HS6ST3: variants seen among roughly 807,000 people sequenced by gnomAD.
The protein encoded by HS6ST3 is heparan sulfate 6-O-sulfotransferase 3.
A neutral mutation model predicts 36.7 loss-of-function variants in HS6ST3; 12 were observed. That is an observed-to-expected ratio of 0.33 (90% CI 0.21 to 0.53). The LOEUF (loss-of-function observed/expected upper bound fraction) is 0.53, where lower values mean the gene tolerates loss of function less well. Among genes scored for constraint, HS6ST3 ranks in the 20% least tolerant of loss-of-function variants. The probability of loss-of-function intolerance (pLI) is 0.95; values close to 1 mark genes in which losing one functional copy is unlikely to be tolerated. For missense variants in HS6ST3, 584 were observed against 640.9 expected (o/e 0.91, Z 0.96); for synonymous variants, 240 against 257.5 (o/e 0.93, Z 0.65).
intron 1 of HS6ST3, among the ~76,000 whole-genome samples, chr13:96,580,109 C>A (rs1594811348): frequency 6.6e-6 from 1 of 151,360 alleles, no homozygotes; most frequent in East Asian, 1.9e-4. Flanking sequence ...TCCCTCTAAA[C>A]TGCCTTCTAA....
chr13:96,828,596 C>T (rs1377666241), intron 1 of HS6ST3, among the ~76,000 whole-genome samples: 4 of 152,094 alleles, frequency 2.6e-5, no homozygotes, highest in Non-Finnish European at 5.9e-5. Flanking sequence ...TATTTTATCT[C>T]CCCAAATCCT....
chr13:96,833,081 G>A lies in HS6ST3; in HGVS notation c.1299G>A (p.Lys433=). 1 of 1,611,300 alleles carries A rather than the reference G, an allele frequency of 6.2e-7. No individual in the cohort carries two copies. The highest frequency in any genetic ancestry group is 8.5e-7 in the Non-Finnish European group (1 of 1,180,010). Residue 433 remains lysine (K), a synonymous_variant, in exon 2 of 2, where the codon AAG becomes AAA. Coordinates refer to ENST00000376705, the MANE Select transcript of HS6ST3 (RefSeq NM_153456.4). Reference sequence around the variant, plus strand: ...TAGAGCACCAGAGGGACCGCCAGAAGCGGCGGGAGGAGCGGAGGCTGCAGC... The same window carrying A: ...TAGAGCACCAGAGGGACCGCCAGAAACGGCGGGAGGAGCGGAGGCTGCAGC... ...KQLEHQRDRQ[K]RREERRLQRE...
At chr13:96,701,586 A>G (rs1875289374) in intron 1 of HS6ST3, among the ~76,000 whole-genome samples, 1 of 152,176 alleles carries the variant, frequency 6.6e-6, no homozygotes, top group Non-Finnish European at 1.5e-5. Context: ...TATACTTGGC[A>G]CTTCATGGTC....
intron 1 of HS6ST3, among the ~76,000 whole-genome samples, chr13:96,751,893 T>C (rs866504507): frequency 6.6e-6 from 1 of 150,722 alleles, no homozygotes; most frequent in Non-Finnish European, 1.5e-5. Flanking sequence ...TATATATATA[T>C]AAACTATATA....
chr13:96,785,541 T>C (rs7334263), intron 1 of HS6ST3, among the ~76,000 whole-genome samples: 22,837 of 152,104 alleles, frequency 0.15, 2,930 homozygotes, highest in African/African-American at 0.35. Flanking sequence ...GGTCCACTGT[T>C]GCAAGTGGGC....
intron 1 of HS6ST3, among the ~76,000 whole-genome samples, chr13:96,685,571 A>C (rs535613256): frequency 3.9e-5 from 6 of 152,082 alleles, no homozygotes; most frequent in Admixed American, 2.0e-4. Context: ...CACAGTTATC[A>C]TATATTGACC....
rs71434521 is a variant in HS6ST3, at chr13:96,663,244, G to A, written c.708-169246G>A. ...TGTTTCCTTATCACACCCCTGTCCC[G>A]GGGATCCTGACTCTCAGTTTAGACT... On this transcript the variant is annotated intron_variant, in intron 1 of 1. Transcript: ENST00000376705. Among the ~76,000 whole-genome samples the A allele has an allele frequency of 2.1e-3, 321 of 152,186 alleles. 2 individuals are homozygous for A. The highest frequency in any genetic ancestry group is 6.8e-3 in the Middle Eastern group (2 of 294).
chr13:96,162,986 C>T (rs1455205409), intron 1 of HS6ST3, among the ~76,000 whole-genome samples: 3 of 151,804 alleles, frequency 2.0e-5, no homozygotes, highest in Admixed American at 1.3e-4. Context: ...GTAAGAGGTT[C>T]CCCCAAATAA....
At chr13:96,579,941 T>C (rs2056335599) in intron 1 of HS6ST3, among the ~76,000 whole-genome samples, 1 of 152,168 alleles carries the variant, frequency 6.6e-6, no homozygotes, top group South Asian at 2.1e-4. Flanking sequence ...ATCTCTCTCC[T>C]AGATAATTGA....
rs549573345 is a variant in HS6ST3, at chr13:96,567,206, C to A, written c.708-265284C>A. Among the ~76,000 whole-genome samples, 5 of 152,068 alleles carry A rather than the reference C, an allele frequency of 3.3e-5. No homozygotes were observed. The East Asian group carries it at 9.7e-4, about 29-fold the overall frequency. The stretch of plus-strand genomic sequence containing the variant: ...CCTACAGTTCTTCCGCCTCCCCACA[C>A]CCACAAGTCTTAAATTAAAAATCCC... On this transcript the variant is annotated intron_variant, in intron 1 of 1. Coordinates refer to ENST00000376705, the MANE Select transcript of HS6ST3 (RefSeq NM_153456.4).
chr13:96,531,446 G>A lies in HS6ST3; in HGVS notation c.708-301044G>A, dbSNP rs1256203015. Among the ~76,000 whole-genome samples the A allele has an allele frequency of 2.0e-5, 3 of 152,170 alleles. No individual in the cohort carries two copies. In the East Asian group the frequency reaches 5.8e-4, roughly 29 times the overall value. ...ATCATTACAAGCTCAAAGTTTAGTAGAGTGTACTGAGAATGTTCTGTCTTT... is the reference window on the plus strand; with the variant it reads ...ATCATTACAAGCTCAAAGTTTAGTAAAGTGTACTGAGAATGTTCTGTCTTT... On this transcript the variant is annotated intron_variant, in intron 1 of 1. Coordinates refer to ENST00000376705, the MANE Select transcript of HS6ST3 (RefSeq NM_153456.4).
intron 1 of HS6ST3, among the ~76,000 whole-genome samples, chr13:96,186,392 T>A (rs951983122): frequency 1.3e-5 from 2 of 152,206 alleles, no homozygotes; most frequent in African/African-American, 4.8e-5. Context: ...TATGATTGAA[T>A]CTTTCTTTAA....
At chr13:96,661,808 G>T (rs2056647362) in intron 1 of HS6ST3, among the ~76,000 whole-genome samples, 1 of 152,066 alleles carries the variant, frequency 6.6e-6, no homozygotes. Flanking sequence ...AATTCCCTTA[G>T]TGTTTGCTAG....
chr13:96,405,658 A>G (rs2055473827), intron 1 of HS6ST3, among the ~76,000 whole-genome samples: 1 of 152,224 alleles, frequency 6.6e-6, no homozygotes, highest in Admixed American at 6.5e-5. Flanking sequence ...TTGCTGATAT[A>G]AAATACCCTT....
chr13:96,566,293 A>G (rs1485721805), intron 1 of HS6ST3, among the ~76,000 whole-genome samples: 1 of 152,146 alleles, frequency 6.6e-6, no homozygotes, highest in Non-Finnish European at 1.5e-5. Flanking sequence ...ATAAACTAAT[A>G]ATTTTTTTAG....
intron 1 of HS6ST3, among the ~76,000 whole-genome samples, chr13:96,187,482 T>C (rs928255622): frequency 2.6e-5 from 4 of 152,142 alleles, no homozygotes; most frequent in African/African-American, 7.2e-5. Flanking sequence ...TCCCAGTTAG[T>C]CAGTGGCAGA....
chr13:96,799,869 C>T (rs1422445708), intron 1 of HS6ST3, among the ~76,000 whole-genome samples: 2 of 149,200 alleles, frequency 1.3e-5, no homozygotes, highest in Admixed American at 6.7e-5. Context: ...TCATCCCAGT[C>T]TCCTAGTATA....
At chr13:96,159,345 T>C (rs922015920) in intron 1 of HS6ST3, among the ~76,000 whole-genome samples, 1 of 152,232 alleles carries the variant, frequency 6.6e-6, no homozygotes, top group African/African-American at 2.4e-5. Context: ...TTTATTCTTT[T>C]TTTCCTTGGA....
At chr13:96,733,382 A>G (rs1350269521) in intron 1 of HS6ST3, among the ~76,000 whole-genome samples, 1 of 152,208 alleles carries the variant, frequency 6.6e-6, no homozygotes, top group Non-Finnish European at 1.5e-5. Context: ...ATATCTATTA[A>G]AATGATTATA....
Sources: allele counts gnomAD v4.1 joint callset (sites outside exome capture counted in the v4.1 genomes callset), GRCh38; gene constraint gnomAD v4.1.1; transcripts MANE v1.5; gene names NCBI Gene and HGNC (gene_info 2026-07-23, HGNC 2026-07-21).